Variants in PLCH1 observed in about 807,000 individuals in gnomAD.
PLCH1 encodes the protein 1-phosphatidylinositol 4,5-bisphosphate phosphodiesterase eta-1.
A neutral mutation model predicts 126.7 loss-of-function variants in PLCH1; 60 were observed. The ratio of observed to expected loss-of-function variants is 0.47; its 90% CI spans 0.38 to 0.59. PLCH1 has a LOEUF of 0.59. PLCH1 is among the 20% of genes least tolerant of loss of function. The probability of loss-of-function intolerance (pLI) is 0.00; values close to 1 mark genes in which losing one functional copy is unlikely to be tolerated. For synonymous variants in PLCH1, 719 were observed against 734.9 expected, an observed-to-expected ratio of 0.98 and a Z score of 0.35; for missense variants, 1,723 against 2,040.0, an observed-to-expected ratio of 0.84 and a Z score of 2.99.
chr3:155,656,115 C>T (rs2108916816), intron 2 of PLCH1, among the ~76,000 whole-genome samples: 1 of 152,026 alleles, frequency 6.6e-6, no homozygotes, highest in African/African-American at 2.4e-5. Flanking sequence ...CCTACTTCAC[C>T]CCAAAACAGA....
intron 2 of PLCH1, among the ~76,000 whole-genome samples, chr3:155,611,388 T>A (rs1735074543): frequency 6.6e-6 from 1 of 151,972 alleles, no homozygotes; most frequent in African/African-American, 2.4e-5. Context: ...AGACTCCGTC[T>A]CAAAAAAATA....
At chr3:155,544,444 T>G (rs1036992492) in intron 10 of PLCH1, among the ~76,000 whole-genome samples, 1 of 152,180 alleles carries the variant, frequency 6.6e-6, no homozygotes. Flanking sequence ...ATTGGGAGAC[T>G]TTAACACCCC....
At chr3:155,592,328 A>G (rs1179660722) in intron 4 of PLCH1, among the ~76,000 whole-genome samples, 2 of 10,832 alleles carry the variant, frequency 1.8e-4, no homozygotes, top group Non-Finnish European at 7.2e-4. Context: ...CTAAAAATAC[A>G]AAAAAAAAAA....
intron 2 of PLCH1, among the ~76,000 whole-genome samples, chr3:155,624,764 C>T (rs1202710709): frequency 6.6e-6 from 1 of 152,168 alleles, no homozygotes; most frequent in Non-Finnish European, 1.5e-5. Context: ...AATGGAAAAA[C>T]ATTCCATGCT....
At chr3:155,559,433 A>C (rs1727285062) in intron 8 of PLCH1, among the ~76,000 whole-genome samples, 1 of 152,192 alleles carries the variant, frequency 6.6e-6, no homozygotes, top group African/African-American at 2.4e-5. Flanking sequence ...GAAATAGGTC[A>C]AACACACAAA....
rs575364831 is a variant in PLCH1 at position 155,481,147 on chromosome 3, T to C, written c.4879A>G (p.Ile1627Val). The C allele has an allele frequency of 6.2e-7, 1 of 1,614,230 alleles. No individual in the cohort carries two copies. Among genetic ancestry groups the C allele is most frequent in the African/African-American group, 1.3e-5 (1 of 75,078 alleles). ...AVNRHSTGSY[I>V]AGYLKNTKGG... ...TTCGTGTTCTTCAGGTAGCCTGCGATGTAGGAGCCGGTGGAGTGGCGATTC... is the reference window on the plus strand; with the variant it reads ...TTCGTGTTCTTCAGGTAGCCTGCGACGTAGGAGCCGGTGGAGTGGCGATTC... Residue 1627 changes from isoleucine to valine, a missense_variant, in exon 23 of 23, where the codon ATC becomes GTC. Ile to Val is a conservative substitution (Grantham distance 29, BLOSUM62 3). This residue lies in a region of PLCH1 where 947 missense variants were observed against 977.1 expected (regional missense o/e 0.97). Transcript: ENST00000460012. The surrounding 1 kb of genome is among the most constrained non-coding windows in gnomAD (Gnocchi z 4.2).
chr3:155,533,677 G>C (rs970266193), intron 10 of PLCH1, among the ~76,000 whole-genome samples: 15 of 152,240 alleles, frequency 9.9e-5, no homozygotes, highest in Admixed American at 9.2e-4. Flanking sequence ...TACAGGACAT[G>C]TCAGTAACCT....
intron 2 of PLCH1, among the ~76,000 whole-genome samples, chr3:155,668,602 G>A (rs769097506): frequency 6.6e-5 from 10 of 152,066 alleles, no homozygotes; most frequent in African/African-American, 1.9e-4. Flanking sequence ...AATAAGAAAC[G>A]TGAGCCTAGG....
chr3:155,679,423 G>A (rs1744336675), intron 2 of PLCH1, among the ~76,000 whole-genome samples: 1 of 152,194 alleles, frequency 6.6e-6, no homozygotes, highest in Admixed American at 6.5e-5. Context: ...ATGGGTGGTA[G>A]AGGCCAAGGG....
At chr3:155,552,866 T>A (rs1346669488) in intron 9 of PLCH1, among the ~76,000 whole-genome samples, 11 of 152,114 alleles carry the variant, frequency 7.2e-5, no homozygotes, top group Admixed American at 7.2e-4. Flanking sequence ...AAAAGATAAC[T>A]TGGGAAGTAG....
At chr3:155,671,640 GT>G (rs1743468702) in intron 2 of PLCH1, among the ~76,000 whole-genome samples, 1 of 152,180 alleles carries the variant, frequency 6.6e-6, no homozygotes, top group South Asian at 2.1e-4. Flanking sequence ...TGGTCACTAG[GT>G]AGAGTAATCC....
At chr3:155,704,288 CA>C in intron 1 of PLCH1, 24 bp from the exon 2 acceptor site, 1 of 670,958 alleles carries the variant, frequency 1.5e-6, no homozygotes, top group Non-Finnish European at 2.1e-6. Flanking sequence ...CAGAATGAGA[CA>C]AAAATGAAGA....
chr3:155,738,509 C>T (rs552844768), intron 1 of PLCH1, among the ~76,000 whole-genome samples: 1 of 151,998 alleles, frequency 6.6e-6, no homozygotes, highest in Admixed American at 6.6e-5. Flanking sequence ...CGGGGCGGGG[C>T]GCAGTGGCTC....
At chr3:155,459,053 C>T (rs1451820444) in intron 21 of PLCH1, among the ~76,000 whole-genome samples, 1 of 152,186 alleles carries the variant, frequency 6.6e-6, no homozygotes, top group Non-Finnish European at 1.5e-5. Context: ...CAAGCTGTGA[C>T]ATTAGAATTA....
chr3:155,690,504 C>T (rs966787513), intron 2 of PLCH1, among the ~76,000 whole-genome samples: 15 of 152,114 alleles, frequency 9.9e-5, no homozygotes, highest in African/African-American at 3.6e-4. Context: ...CAGGGTATTA[C>T]GTATATCCTT....
chr3:155,632,983 A>G (rs1005644025), intron 2 of PLCH1, among the ~76,000 whole-genome samples: 9 of 152,110 alleles, frequency 5.9e-5, no homozygotes, highest in South Asian at 4.1e-4. Flanking sequence ...AACATTGCCA[A>G]TGAGGTCAGT....
intron 2 of PLCH1, among the ~76,000 whole-genome samples, chr3:155,621,444 G>A (rs1213873733): frequency 6.6e-6 from 1 of 152,132 alleles, no homozygotes. Flanking sequence ...TTCAGAAGGT[G>A]AGTAATAACA....
Position 155,488,716 on chromosome 3 carries a change from G to A in PLCH1, c.2483C>T (p.Pro828Leu). 6.2e-7 allele frequency: 1 copy of A among 1,613,940 alleles called. No homozygotes were observed. The highest frequency in any genetic ancestry group is 8.5e-7 in the Non-Finnish European group (1 of 1,179,904). Reference sequence around the variant, plus strand: ...TTGTCCAACAAAGTCTCGTCCAATGGGATCGTGATCCCACACAAGGAACCG... The same window carrying A: ...TTGTCCAACAAAGTCTCGTCCAATGAGATCGTGATCCCACACAAGGAACCG... ...LVRFLVWDHD[P>L]IGRDFVGQRT... The change falls in exon 20 of 23, where the codon CCC becomes CTC. Residue 828 changes from proline (P) to leucine (L), a missense_variant. Coordinates refer to ENST00000460012, the MANE Select transcript of PLCH1 (RefSeq NM_014996.4).
At chr3:155,607,027 G>A (rs1283215677) in intron 2 of PLCH1, among the ~76,000 whole-genome samples, 1 of 152,160 alleles carries the variant, frequency 6.6e-6, no homozygotes, top group Non-Finnish European at 1.5e-5. Context: ...AACAGTGTCT[G>A]CTTTTCCTGG....
Sources: allele counts gnomAD v4.1 joint callset (sites outside exome capture counted in the v4.1 genomes callset), GRCh38; gene constraint gnomAD v4.1.1; regional missense constraint gnomAD v4.1.1; non-coding constraint Gnocchi (gnomAD v3.1); transcripts MANE v1.5; gene names NCBI Gene and HGNC (gene_info 2026-07-23, HGNC 2026-07-21).